Variants in COLEC12 observed in about 807,000 individuals in gnomAD.
COLEC12 encodes collectin-12.
A neutral mutation model predicts 71.1 loss-of-function variants in COLEC12; 33 were observed. The ratio of observed to expected loss-of-function variants is 0.46; its 90% CI spans 0.35 to 0.62. The LOEUF is 0.62. Among genes scored for constraint, COLEC12 ranks in the 20% least tolerant of loss-of-function variants. The pLI is 0.00. For missense variants in COLEC12, 765 were observed against 916.1 expected, an observed-to-expected ratio of 0.84 and a Z score of 2.13; for synonymous variants, 350 against 353.0, an observed-to-expected ratio of 0.99 and a Z score of 0.10.
intron 2 of COLEC12, among the ~76,000 whole-genome samples, chr18:427,679 G>A (rs1195854661): frequency 6.6e-6 from 1 of 151,404 alleles, no homozygotes; most frequent in Non-Finnish European, 1.5e-5. Flanking sequence ...CTAGTGACTT[G>A]CACAATTCAT....
chr18:384,027 A>G (rs749717857), intron 2 of COLEC12, among the ~76,000 whole-genome samples: 18 of 152,168 alleles, frequency 1.2e-4, no homozygotes, highest in Non-Finnish European at 2.2e-4. Context: ...CCATGATCCA[A>G]TTATCTCCCA....
intron 2 of COLEC12, among the ~76,000 whole-genome samples, chr18:462,312 T>C (rs2143736066): frequency 6.6e-6 from 1 of 152,292 alleles, no homozygotes; most frequent in African/African-American, 2.4e-5. Flanking sequence ...ATAAGTAAAA[T>C]GTGGTCCGTC....
intron 1 of COLEC12, among the ~76,000 whole-genome samples, chr18:487,936 T>C (rs936182122): frequency 6.6e-6 from 1 of 152,134 alleles, no homozygotes; most frequent in Non-Finnish European, 1.5e-5. Flanking sequence ...AGACAACTGA[T>C]ACAACCTCTA....
chr18:491,210 G>T (rs1056506071), intron 1 of COLEC12, among the ~76,000 whole-genome samples: 3 of 152,230 alleles, frequency 2.0e-5, no homozygotes, highest in Non-Finnish European at 2.9e-5. Context: ...GTGCTCCAAG[G>T]AGTTGCTTTC....
intron 8 of COLEC12, among the ~76,000 whole-genome samples, chr18:329,329 A>G (rs963156213): frequency 1.3e-5 from 2 of 152,082 alleles, no homozygotes; most frequent in African/African-American, 4.8e-5. Context: ...ACCTTTGTGC[A>G]TTTACGGCAG....
rs1203269524 is a variant in COLEC12, at chr18:346,205, A to T, written c.1327+90T>A. On this transcript the variant is annotated intron_variant, in intron 5 of 9. Coordinates refer to ENST00000400256, the MANE Select transcript of COLEC12 (RefSeq NM_130386.3). This position sits in a 1 kb window ranked among gnomAD's most constrained non-coding sequence, Gnocchi z 4.0. ...CCACAAAAACTATGAGATGATGAAT[A>T]TTTATTGTTTTAAATTGCCAAGTTT... 1.0e-6 allele frequency: 1 copy of T among 955,214 alleles called. No homozygotes were observed. The highest frequency in any genetic ancestry group is 2.4e-5 in the East Asian group (1 of 41,226). 59.2% of individuals were successfully genotyped at this position (955,214 alleles called of 1,614,324 possible).
intron 3 of COLEC12, among the ~76,000 whole-genome samples, chr18:351,775 TG>T (rs1418108368): frequency 2.0e-5 from 3 of 152,202 alleles, no homozygotes; most frequent in African/African-American, 7.2e-5. Context: ...AGGGTACATG[TG>T]CACAACGTGC....
intron 2 of COLEC12, among the ~76,000 whole-genome samples, chr18:453,958 C>T (rs12960217): frequency 0.12 from 17,550 of 152,202 alleles, 1,369 homozygotes; most frequent in East Asian, 0.37. Context: ...TCTCCAGGAC[C>T]AGTGTTCTAA....
chr18:372,897 G>A (rs1915031830), intron 2 of COLEC12, among the ~76,000 whole-genome samples: 1 of 152,206 alleles, frequency 6.6e-6, no homozygotes, highest in Admixed American at 6.5e-5. Context: ...GCAGAAGAGT[G>A]CTTCTGGACA....
chr18:427,231 C>T (rs938495925), intron 2 of COLEC12, among the ~76,000 whole-genome samples: 62 of 152,098 alleles, frequency 4.1e-4, no homozygotes, highest in Admixed American at 3.4e-3. Flanking sequence ...TGATGTGAGG[C>T]GAGCCACTTA....
chr18:456,925 C>T (rs920621687), intron 2 of COLEC12, among the ~76,000 whole-genome samples: 1 of 152,178 alleles, frequency 6.6e-6, no homozygotes, highest in Non-Finnish European at 1.5e-5. Flanking sequence ...GAGCCCCGTA[C>T]TCTGTCTCCT....
At chr18:477,038 T>C (rs1410566368) in intron 2 of COLEC12, among the ~76,000 whole-genome samples, 1 of 152,098 alleles carries the variant, frequency 6.6e-6, no homozygotes, top group Non-Finnish European at 1.5e-5. Flanking sequence ...TGCCCAGAAC[T>C]TTGGGAACGG....
intron 2 of COLEC12, among the ~76,000 whole-genome samples, chr18:460,247 G>A (rs867871588): frequency 1.3e-5 from 2 of 151,652 alleles, no homozygotes; most frequent in South Asian, 2.1e-4. Flanking sequence ...GTGGTCATTC[G>A]GAATGGGCCA....
At chr18:412,740 T>C (rs1915916977) in intron 2 of COLEC12, among the ~76,000 whole-genome samples, 1 of 152,116 alleles carries the variant, frequency 6.6e-6, no homozygotes, top group African/African-American at 2.4e-5. Flanking sequence ...GAAATGACAA[T>C]AGAGGTAGGC....
In COLEC12 at chr18:495,103, A is replaced by G. The variant is rs181051523; in HGVS notation, c.7+5405T>C. On this transcript the variant is annotated intron_variant, in intron 1 of 9. Coordinates refer to ENST00000400256, the MANE Select transcript of COLEC12 (RefSeq NM_130386.3). ...TTATATTGGCTTTCACTGCTGTATAATTACAAAACACCCTTAAGCAATCAG... is the reference window on the plus strand; with the variant it reads ...TTATATTGGCTTTCACTGCTGTATAGTTACAAAACACCCTTAAGCAATCAG... Among the ~76,000 whole-genome samples the G allele has an allele frequency of 2.6e-3, 392 of 152,324 alleles. 2 individuals are homozygous for G. Among genetic ancestry groups the G allele is most frequent in the African/African-American group, 9.2e-3 (381 of 41,572 alleles).
intron 2 of COLEC12, among the ~76,000 whole-genome samples, chr18:400,548 A>G (rs777132163): frequency 2.0e-5 from 3 of 152,120 alleles, no homozygotes; most frequent in Admixed American, 6.5e-5. Flanking sequence ...ACTTTCTTCC[A>G]CTGAGTAGCA....
In COLEC12 at chr18:346,535, T is replaced by G; in HGVS notation, c.1087A>C (p.Asn363His). Residue 363 changes from asparagine (N) to histidine (H), a missense_variant, in exon 5 of 10, where the codon AAT becomes CAT. Transcript: ENST00000400256. The surrounding 1 kb of genome is among the most constrained non-coding windows in gnomAD (Gnocchi z 4.0). ...TAHHLRTLTS[N>H]LNEVRTTCTD... ...CAAGTGGTCCTGACTTCATTTAGAT[T>G]GCTGGTCAGCGTCCGCAGGTGGTGG... 6.2e-7 allele frequency: 1 copy of G among 1,614,212 alleles called. No individual in the cohort carries two copies. Among genetic ancestry groups the G allele is most frequent in the Non-Finnish European group, 8.5e-7 (1 of 1,180,022 alleles).
intron 5 of COLEC12, among the ~76,000 whole-genome samples, chr18:338,978 G>A (rs1472454444): frequency 1.3e-5 from 1 of 75,974 alleles, no homozygotes; most frequent in Non-Finnish European, 2.5e-5. Context: ...TAGCCTTATT[G>A]TCTTAATTTT....
intron 2 of COLEC12, among the ~76,000 whole-genome samples, chr18:424,800 G>C (rs941287630): frequency 1.3e-5 from 2 of 152,162 alleles, no homozygotes; most frequent in African/African-American, 4.8e-5. Context: ...ATCAGGATGT[G>C]GGGACACAGA....
Sources: gnomAD v4.1 joint callset for allele counts (sites outside exome capture counted in the v4.1 genomes callset) on GRCh38, gnomAD v4.1.1 for gene constraint, Gnocchi (gnomAD v3.1) non-coding constraint, MANE v1.5 for transcripts, NCBI Gene and HGNC (gene_info 2026-07-23, HGNC 2026-07-21) for gene names.